SHISA9: variants seen among roughly 807,000 people sequenced by gnomAD.
SHISA9 encodes the protein shisa family member 9, also known as protein shisa-9.
In SHISA9, 13 loss-of-function variants were observed where a neutral mutation model predicts 38.0. The observed-to-expected ratio is 0.34, with a 90% confidence interval of 0.22 to 0.54. SHISA9 has a LOEUF of 0.54. Ranked by LOEUF, SHISA9 falls within the 20% of genes least tolerant of loss-of-function variation. The pLI is 0.91. For missense variants in SHISA9, 538 were observed against 575.8 expected, an observed-to-expected ratio of 0.93 and a Z score of 0.67; for synonymous variants, 275 against 242.0, an observed-to-expected ratio of 1.14 and a Z score of -1.27.
In SHISA9 at chr16:13,235,048, A is replaced by G. The variant is rs1209840671; in HGVS notation, c.914A>G (p.Asp305Gly). 1.9e-6 allele frequency: 3 copies of G among 1,546,584 alleles called. No individual in the cohort carries two copies. Among genetic ancestry groups the G allele is most frequent in the Admixed American group, 4.0e-5 (2 of 50,580 alleles). Residue 305 changes from aspartate to glycine, a missense_variant, in exon 5 of 5, where the codon GAC becomes GGC. By Grantham distance (94) the Asp-to-Gly change is moderately conservative (BLOSUM62 -1). Transcript: ENST00000558583. Reference protein sequence around the residue: ...KSPKADKVNDDFYTKRRHLAE... With the variant: ...KSPKADKVNDGFYTKRRHLAE... ...TGTGTAGCTGACAAGGTCAATGACG[A>G]CTTCTACACCAAGCGACGGCACCTG...
intron 2 of SHISA9, among the ~76,000 whole-genome samples, chr16:13,163,386 A>G (rs1051438435): frequency 2.6e-5 from 4 of 152,144 alleles, no homozygotes; most frequent in Non-Finnish European, 4.4e-5. Context: ...TTTAATTTCC[A>G]TATGAATTTT....
intron 1 of SHISA9, among the ~76,000 whole-genome samples, chr16:12,906,462 G>C (rs562449323): frequency 7.9e-5 from 12 of 152,060 alleles, no homozygotes; most frequent in Non-Finnish European, 4.4e-5. Flanking sequence ...AGGAAGCGGT[G>C]GGGGGAGGCT....
intron 4 of SHISA9, among the ~76,000 whole-genome samples, chr16:13,234,702 AAC>A (rs2051363650): frequency 6.6e-6 from 1 of 152,228 alleles, no homozygotes; most frequent in Admixed American, 6.5e-5. Context: ...ATAAAAAAGA[AAC>A]AACACGCGAA....
At chr16:13,265,435 T>C in the SHISA9 span, among the ~76,000 whole-genome samples, 1 of 107,648 alleles carries the variant, frequency 9.3e-6, no homozygotes. Flanking sequence ...TCCTCTTCCC[T>C]TCCCTTCTCT....
intron 2 of SHISA9, among the ~76,000 whole-genome samples, chr16:13,107,468 AACAGAC>A (rs1363802585): frequency 3.0e-4 from 29 of 97,884 alleles, no homozygotes; most frequent in African/African-American, 1.1e-3. Context: ...ACAAAAAAAC[AACAGAC>A]ACACACACAC....
At chr16:12,945,492 A>G (rs1441286976) in intron 2 of SHISA9, among the ~76,000 whole-genome samples, 2 of 152,214 alleles carry the variant, frequency 1.3e-5, no homozygotes, top group Non-Finnish European at 2.9e-5. Context: ...GAAAATGTGA[A>G]AAGTACAGGG....
chr16:13,511,234 G>T, the SHISA9 span, among the ~76,000 whole-genome samples: 1 of 152,188 alleles, frequency 6.6e-6, no homozygotes, highest in South Asian at 2.1e-4. Context: ...TCACTGAGAT[G>T]AAACTGTATT....
At chr16:13,298,101 G>A in the SHISA9 span, among the ~76,000 whole-genome samples, 1 of 152,144 alleles carries the variant, frequency 6.6e-6, no homozygotes, top group Non-Finnish European at 1.5e-5. Flanking sequence ...GACCTGCCAG[G>A]CTGCAGGGAA....
chr16:13,462,738 G>GA, the SHISA9 span, among the ~76,000 whole-genome samples: 1 of 151,914 alleles, frequency 6.6e-6, no homozygotes, highest in Non-Finnish European at 1.5e-5. Context: ...GAGGCGGGGG[G>GA]ATCACCTGAA....
At chr16:13,107,468 AACAG>A (rs1452422544) in intron 2 of SHISA9, among the ~76,000 whole-genome samples, 20 of 97,992 alleles carry the variant, frequency 2.0e-4, no homozygotes, top group African/African-American at 7.4e-4. Flanking sequence ...ACAAAAAAAC[AACAG>A]ACACACACAC....
chr16:13,298,697 G>T, the SHISA9 span, among the ~76,000 whole-genome samples: 5 of 152,210 alleles, frequency 3.3e-5, no homozygotes, highest in South Asian at 1.0e-3. Flanking sequence ...GTCAGAGTTC[G>T]CCCTGTCAAA....
the SHISA9 span, among the ~76,000 whole-genome samples, chr16:13,309,232 T>C: frequency 6.6e-6 from 1 of 152,154 alleles, no homozygotes; most frequent in Non-Finnish European, 1.5e-5. Context: ...GAAGAATAAC[T>C]AATGGATGCT....
intron 1 of SHISA9, chr16:12,911,171 G>C: frequency 1.2e-6 from 1 of 807,382 alleles, no homozygotes; most frequent in Non-Finnish European, 1.5e-6. Context: ...TCTTCTGGGA[G>C]CTTGGGCACG....
chr16:12,955,314 C>A (rs577688366), intron 2 of SHISA9, among the ~76,000 whole-genome samples: 9 of 152,072 alleles, frequency 5.9e-5, no homozygotes, highest in Non-Finnish European at 1.2e-4. Flanking sequence ...CCCCTCCAAC[C>A]AATGGCCTCC....
chr16:13,178,845 G>T (rs2050753934), intron 2 of SHISA9, among the ~76,000 whole-genome samples: 1 of 69,526 alleles, frequency 1.4e-5, no homozygotes, highest in South Asian at 3.5e-4. Flanking sequence ...CCAGGTTTTT[G>T]TTGTTGTTGT....
At chr16:13,071,559 TCCTTCCTTCCTCCCTTCCTC>T (rs1244790313) in intron 2 of SHISA9, among the ~76,000 whole-genome samples, 4,374 of 146,014 alleles carry the variant, frequency 0.03, 258 homozygotes, top group African/African-American at 0.11. Context: ...ATTCCCTTTT[TCCTTCCTTCCTCCCTTCCTC>T]CCTTCCTTCC....
the SHISA9 span, among the ~76,000 whole-genome samples, chr16:13,378,405 C>T: frequency 6.6e-6 from 1 of 152,274 alleles, no homozygotes; most frequent in African/African-American, 2.4e-5. Flanking sequence ...ACTAGAGTGC[C>T]TGCCCACTGC....
chr16:13,521,302 T>G, the SHISA9 span, among the ~76,000 whole-genome samples: 1 of 152,256 alleles, frequency 6.6e-6, no homozygotes, highest in African/African-American at 2.4e-5. Context: ...AAAATTATTC[T>G]GACATCATCT....
At chr16:13,381,106 A>G in the SHISA9 span, among the ~76,000 whole-genome samples, 1 of 152,020 alleles carries the variant, frequency 6.6e-6, no homozygotes, top group African/African-American at 2.4e-5. Context: ...TCTTTGCTAT[A>G]GAAATAATAA....
Sources: gnomAD v4.1 joint callset for allele counts (sites outside exome capture counted in the v4.1 genomes callset) on GRCh38, gnomAD v4.1.1 for gene constraint, MANE v1.5 for transcripts, NCBI Gene and HGNC (gene_info 2026-07-23, HGNC 2026-07-21) for gene names.